Variants in NRG1 observed in about 807,000 individuals in gnomAD.
NRG1 encodes the protein neuregulin 1, also known as pro-neuregulin-1, membrane-bound isoform.
NRG1 carries 18 observed loss-of-function variants against 63.8 expected under a neutral mutation model. The observed-to-expected ratio is 0.28, with a 90% CI of 0.19 to 0.42. The LOEUF (loss-of-function observed/expected upper bound fraction) is 0.42. Ranked by LOEUF, NRG1 falls within the 10% of genes least tolerant of loss-of-function variation. NRG1 has a pLI of 1.00. For synonymous variants in NRG1, 302 were observed against 301.3 expected, an observed-to-expected ratio of 1.00 and a Z score of -0.02; for missense variants, 762 against 814.7, an observed-to-expected ratio of 0.94 and a Z score of 0.79.
intron 1 of NRG1, among the ~76,000 whole-genome samples, chr8:32,130,259 A>G (rs1834633657): frequency 6.6e-6 from 1 of 152,102 alleles, no homozygotes; most frequent in East Asian, 1.9e-4. Context: ...AAGCAAAGCT[A>G]CATGAAAAAA....
At chr8:32,521,702 A>T (rs1345289160) in intron 1 of NRG1, among the ~76,000 whole-genome samples, 1 of 152,202 alleles carries the variant, frequency 6.6e-6, no homozygotes, top group African/African-American at 2.4e-5. Context: ...CTGAGTGAAA[A>T]TATTTCAGGA....
At chr8:32,013,492 A>G (rs1490660067) in intron 1 of NRG1, among the ~76,000 whole-genome samples, 1 of 152,118 alleles carries the variant, frequency 6.6e-6, no homozygotes, top group Non-Finnish European at 1.5e-5. Context: ...TAAATAAAAT[A>G]CAAAGGTGAT....
At chr8:32,489,701 A>C (rs1204316569) in intron 1 of NRG1, among the ~76,000 whole-genome samples, 2 of 152,224 alleles carry the variant, frequency 1.3e-5, no homozygotes, top group Admixed American at 6.5e-5. Flanking sequence ...GGCTCTCCAA[A>C]TGTCTGTAAA....
chr8:32,452,693 G>GGTTA (rs1554546152), intron 1 of NRG1, among the ~76,000 whole-genome samples: 1 of 151,472 alleles, frequency 6.6e-6, no homozygotes, highest in African/African-American at 2.4e-5. Context: ...GAAGTATAGA[G>GGTTA]GGTAATATTC....
chr8:32,359,959 G>T (rs1488063293), intron 1 of NRG1, among the ~76,000 whole-genome samples: 2 of 152,298 alleles, frequency 1.3e-5, no homozygotes, highest in South Asian at 4.1e-4. Context: ...GTTTTGAAAT[G>T]TATGGAGCCA....
At chr8:32,670,099 T>A (rs923487174) in intron 5 of NRG1, among the ~76,000 whole-genome samples, 1 of 152,218 alleles carries the variant, frequency 6.6e-6, no homozygotes, top group Non-Finnish European at 1.5e-5. Flanking sequence ...TAAAAAGTAC[T>A]TCTCTTGATT....
chr8:31,771,994 C>T (rs1818670720), intron 1 of NRG1, among the ~76,000 whole-genome samples: 1 of 152,190 alleles, frequency 6.6e-6, no homozygotes. Flanking sequence ...TAGGTCAAGC[C>T]TGTTCAAAAC....
chr8:32,265,774 T>C lies in NRG1; in HGVS notation c.38-330054T>C, dbSNP rs543043269. On this transcript the variant is annotated intron_variant, in intron 1 of 10. Transcript: ENST00000519301. ...GGGAGGATCACTTGATCCTAGGAGG[T>C]GGAGGCTATAGTGAGCCATGATTGC... is the stretch of plus-strand genomic sequence containing the variant. Among the ~76,000 whole-genome samples, 436 of 152,020 alleles carry C rather than the reference T, an allele frequency of 2.9e-3. 2 individuals are homozygous for C. Among genetic ancestry groups the C allele is most frequent in the African/African-American group, 0.01 (419 of 41,458 alleles).
chr8:31,932,225 C>T (rs563421197), intron 1 of NRG1, among the ~76,000 whole-genome samples: 2 of 152,164 alleles, frequency 1.3e-5, no homozygotes, highest in African/African-American at 4.8e-5. Flanking sequence ...AAATATGCTT[C>T]GTAAATAATG....
intron 1 of NRG1, among the ~76,000 whole-genome samples, chr8:31,836,351 A>G (rs1214142035): frequency 6.6e-6 from 1 of 152,160 alleles, no homozygotes; most frequent in Non-Finnish European, 1.5e-5. Context: ...TAAATAGGTC[A>G]TATATTGACG....
At chr8:31,832,500 C>T (rs1178036523) in intron 1 of NRG1, among the ~76,000 whole-genome samples, 1 of 152,188 alleles carries the variant, frequency 6.6e-6, no homozygotes, top group Non-Finnish European at 1.5e-5. Flanking sequence ...CTCAAGCAGT[C>T]TGCCCACCAA....
chr8:32,461,648 T>C (rs191107312), intron 1 of NRG1, among the ~76,000 whole-genome samples: 13 of 152,212 alleles, frequency 8.5e-5, no homozygotes, highest in African/African-American at 3.1e-4. Context: ...CTCTAGATCA[T>C]GCCGTTGCAC....
chr8:31,771,513 T>C (rs893730413), intron 1 of NRG1, among the ~76,000 whole-genome samples: 3 of 152,210 alleles, frequency 2.0e-5, no homozygotes, highest in Non-Finnish European at 4.4e-5. Flanking sequence ...AATTAATTTC[T>C]AGAAGCGTGA....
chr8:31,799,959 AG>A (rs1243081354), intron 1 of NRG1, among the ~76,000 whole-genome samples: 3 of 152,206 alleles, frequency 2.0e-5, no homozygotes, highest in Non-Finnish European at 4.4e-5. Context: ...TAGCAACTAG[AG>A]CTACTTTATC....
chr8:32,079,178 C>CACACACACAT (rs774021879), intron 1 of NRG1, among the ~76,000 whole-genome samples: 4 of 151,712 alleles, frequency 2.6e-5, no homozygotes, highest in Admixed American at 6.6e-5. Flanking sequence ...CACACACACA[C>CACACACACAT]ACATACACGC....
chr8:32,708,781 A>G (rs568225552), intron 5 of NRG1, among the ~76,000 whole-genome samples: 1 of 152,288 alleles, frequency 6.6e-6, no homozygotes, highest in South Asian at 2.1e-4. Context: ...GGTTAGCTAA[A>G]GCAACTGAGT....
chr8:31,935,810 T>C (rs1000505073), intron 1 of NRG1, among the ~76,000 whole-genome samples: 2 of 152,192 alleles, frequency 1.3e-5, no homozygotes, highest in African/African-American at 4.8e-5. Flanking sequence ...TTTAGAGCTC[T>C]AGATGTTTTT....
chr8:31,712,772 G>A (rs1811912117), intron 1 of NRG1, among the ~76,000 whole-genome samples: 1 of 151,798 alleles, frequency 6.6e-6, no homozygotes, highest in Non-Finnish European at 1.5e-5. Flanking sequence ...GAATGAATTG[G>A]GTCTTCATGC....
chr8:32,215,250 G>A (rs566232768), intron 1 of NRG1, among the ~76,000 whole-genome samples: 10 of 152,270 alleles, frequency 6.6e-5, no homozygotes, highest in Non-Finnish European at 1.5e-4. Context: ...CTAGTTTTAT[G>A]AAACTCAGCA....
Sources: gnomAD v4.1 joint callset for allele counts (sites outside exome capture counted in the v4.1 genomes callset) on GRCh38, gnomAD v4.1.1 for gene constraint, MANE v1.5 for transcripts, NCBI Gene and HGNC (gene_info 2026-07-23, HGNC 2026-07-21) for gene names.